Variants in BRWD3 observed in about 807,000 individuals in gnomAD.
BRWD3 encodes the protein bromodomain and WD repeat domain containing 3.
A neutral mutation model predicts 149.7 loss-of-function variants in BRWD3; 10 were observed. That is an observed-to-expected ratio of 0.07 (90% CI 0.04 to 0.11). The LOEUF (loss-of-function observed/expected upper bound fraction) is 0.11, where lower values mean the gene tolerates loss of function less well. BRWD3 is among the 10% of genes least tolerant of loss of function. The pLI is 1.00. For missense variants in BRWD3, 940 were observed against 1,373.2 expected (o/e 0.68, Z 4.99); for synonymous variants, 504 against 456.7 (o/e 1.10, Z -1.32).
chrX:80,696,322 CTATTAT>C (rs1000683456), intron 26 of BRWD3, among the ~76,000 whole-genome samples: 2 of 110,680 alleles, frequency 1.8e-5, no homozygotes, highest in African/African-American at 6.6e-5. Flanking sequence ...CTTATTATTC[CTATTAT>C]TATTAACAGA....
At position 80,809,623 on chromosome X, in the gene BRWD3, T is replaced by C. The variant is rs1300658270; in HGVS notation, c.-152A>G. The C allele has an allele frequency of 2.2e-6, 1 of 447,754 alleles. No homozygotes were observed. The highest frequency in any genetic ancestry group is 2.6e-5 in the African/African-American group (1 of 38,863). 36.9% of individuals were successfully genotyped at this position (447,754 alleles called of 1,213,427 possible). ...CTAGTTTCGCTCTCTCTCGAATTCA[T>C]CGCATCACGTTTCGACCCATAGATA... On this transcript the variant is annotated 5_prime_UTR_variant, in exon 1 of 41. The change abolishes an upstream ATG in the 5' untranslated region. Coordinates refer to ENST00000373275, the MANE Select transcript of BRWD3 (RefSeq NM_153252.5).
At position 80,719,622 on chromosome X, in the gene BRWD3, C is replaced by T. The variant is rs1423121483; in HGVS notation, c.1911G>A (p.Gln637=). The T allele has an allele frequency of 1.7e-6, 2 of 1,210,712 alleles. No individual in the cohort carries two copies. The highest frequency in any genetic ancestry group is 2.2e-6 in the Non-Finnish European group (2 of 894,922). ...TGCTCTCATCTTGGTCATTGGTTTG[C>T]TGCCCAATTACCTGTTCTACTACCT... ...DGEVVEQVIG[Q]QTNDQDESIL... Residue 637 remains glutamine (Q), a synonymous_variant, in exon 18 of 41, where the codon CAG becomes CAA. Coordinates refer to ENST00000373275, the MANE Select transcript of BRWD3 (RefSeq NM_153252.5).
intron 4 of BRWD3, among the ~76,000 whole-genome samples, chrX:80,794,614 A>C (rs1374264012): frequency 9.0e-6 from 1 of 110,731 alleles, no homozygotes; most frequent in Non-Finnish European, 1.9e-5. Context: ...CAGGAAGAGA[A>C]TTTTTAAATA....
intron 6 of BRWD3, among the ~76,000 whole-genome samples, chrX:80,789,173 T>C (rs2074148280): frequency 8.9e-6 from 1 of 111,889 alleles, no homozygotes; most frequent in Non-Finnish European, 1.9e-5. Context: ...CATCTGACCA[T>C]GAATATGACA....
At chrX:80,703,716 CCT>C (rs1305810494) in intron 23 of BRWD3, 123 bp from the exon 24 acceptor site, 1 of 462,554 alleles carries the variant, frequency 2.2e-6, no homozygotes, top group Admixed American at 4.2e-5. Flanking sequence ...TACAATGAAA[CCT>C]AAAGTATATA....
At chrX:80,798,644 A>C (rs1334035843) in intron 4 of BRWD3, among the ~76,000 whole-genome samples, 2 of 110,345 alleles carry the variant, frequency 1.8e-5, no homozygotes, top group African/African-American at 6.6e-5. Flanking sequence ...AAAAGAGTAT[A>C]ATATAAGGCC....
chrX:80,789,816 A>G (rs187127487), intron 6 of BRWD3, among the ~76,000 whole-genome samples: 2 of 106,783 alleles, frequency 1.9e-5, no homozygotes, highest in South Asian at 4.4e-4. Flanking sequence ...TTGACCATGG[A>G]ACTCCTTTTT....
intron 6 of BRWD3, among the ~76,000 whole-genome samples, chrX:80,775,646 T>C (rs73227329): frequency 0.019 from 2,077 of 111,733 alleles, 21 homozygotes; most frequent in Middle Eastern, 0.033. Flanking sequence ...GATACTTTTG[T>C]GCAAAGAGCA....
intron 8 of BRWD3, among the ~76,000 whole-genome samples, chrX:80,740,266 C>A (rs1169662578): frequency 1.8e-5 from 2 of 111,812 alleles, no homozygotes; most frequent in Non-Finnish European, 3.8e-5. Flanking sequence ...TCTCTTTCTC[C>A]AAAGTGTAAA....
intron 8 of BRWD3, 80 bp from the exon 9 acceptor site, chrX:80,736,168 T>C: frequency 1.6e-6 from 1 of 623,802 alleles, no homozygotes; most frequent in Non-Finnish European, 2.5e-6. Context: ...TTTCAAATTG[T>C]AATCATTTAA....
At chrX:80,784,388 C>CT (rs889706293) in intron 6 of BRWD3, among the ~76,000 whole-genome samples, 2 of 111,706 alleles carry the variant, frequency 1.8e-5, no homozygotes, top group African/African-American at 3.3e-5. Context: ...ATTAAACACA[C>CT]TTTTTTTTAT....
intron 6 of BRWD3, among the ~76,000 whole-genome samples, chrX:80,760,911 G>A (rs921915543): frequency 6.3e-5 from 7 of 111,481 alleles, no homozygotes; most frequent in Admixed American, 5.8e-4. Flanking sequence ...CCAGAGTGTG[G>A]TAATTCCTAC....
At chrX:80,791,571 C>A (rs1171763152) in intron 6 of BRWD3, among the ~76,000 whole-genome samples, 1 of 111,222 alleles carries the variant, frequency 9.0e-6, no homozygotes, top group Non-Finnish European at 1.9e-5. Context: ...AAATAGACAA[C>A]CATATGGCTA....
At chrX:80,735,325 A>G (rs750712883) in intron 9 of BRWD3, 128 bp from the exon 10 acceptor site, 2 of 535,104 alleles carry the variant, frequency 3.7e-6, no homozygotes, top group Admixed American at 2.8e-5. Context: ...AACGTGGTCA[A>G]TAAGTACTAT....
At chrX:80,734,385 CTG>C (rs1022626892) in intron 10 of BRWD3, among the ~76,000 whole-genome samples, 167 bp from the exon 11 acceptor site, 8 of 111,869 alleles carry the variant, frequency 7.2e-5, no homozygotes, top group Admixed American at 1.9e-4. Context: ...AAATGTAAAA[CTG>C]TATCATTCAT....
chrX:80,793,019 G>A (rs1309792380), intron 5 of BRWD3, among the ~76,000 whole-genome samples: 1 of 107,966 alleles, frequency 9.3e-6, no homozygotes, highest in Non-Finnish European at 1.9e-5. Context: ...AAAATTAGCT[G>A]GGCGAGGTGG....
intron 4 of BRWD3, 116 bp from the exon 5 acceptor site, chrX:80,793,888 T>C: frequency 3.6e-6 from 3 of 825,178 alleles, no homozygotes; most frequent in Admixed American, 2.7e-5. Flanking sequence ...TTTTAAAATA[T>C]GGAATCAGGC....
chrX:80,724,722 G>A (rs1299829239), intron 15 of BRWD3, among the ~76,000 whole-genome samples: 2 of 111,558 alleles, frequency 1.8e-5, no homozygotes, highest in Non-Finnish European at 3.8e-5. Flanking sequence ...CTGGGGAACA[G>A]AATTTGGAAA....
intron 8 of BRWD3, among the ~76,000 whole-genome samples, chrX:80,743,237 G>C (rs2073543202): frequency 8.9e-6 from 1 of 111,854 alleles, no homozygotes; most frequent in Non-Finnish European, 1.9e-5. Flanking sequence ...TGCATCCCAG[G>C]GATGAAGTCC....
Sources: allele counts gnomAD v4.1 joint callset (sites outside exome capture counted in the v4.1 genomes callset), GRCh38; gene constraint gnomAD v4.1.1; transcripts MANE v1.5; gene names NCBI Gene and HGNC (gene_info 2026-07-23, HGNC 2026-07-21).